The following NTM variants were observed in gnomAD, a reference collection of about 807,000 sequenced individuals.
NTM encodes IgLON family member 2.
NTM carries 13 observed loss-of-function variants against 42.1 expected under a neutral mutation model. That is an observed-to-expected ratio of 0.31 (90% CI 0.20 to 0.49). The LOEUF is 0.49. Among genes scored for constraint, NTM ranks in the 20% least tolerant of loss-of-function variants. The probability of loss-of-function intolerance (pLI) is 0.99; values close to 1 mark genes in which losing one functional copy is unlikely to be tolerated. For missense variants in NTM, 373 were observed against 452.8 expected (o/e 0.82, Z 1.60); for synonymous variants, 187 against 179.2 (o/e 1.04, Z -0.35).
chr11:131,863,554 G>A (rs1386633556), intron 1 of NTM, among the ~76,000 whole-genome samples: 1 of 152,154 alleles, frequency 6.6e-6, no homozygotes, highest in South Asian at 2.1e-4. Context: ...AAATATAGTC[G>A]AATGCAAAGG....
At chr11:131,668,409 A>T (rs2134592482) in intron 1 of NTM, among the ~76,000 whole-genome samples, 1 of 152,146 alleles carries the variant, frequency 6.6e-6, no homozygotes, top group Middle Eastern at 3.4e-3. Flanking sequence ...AAAAACCTTG[A>T]TTATATGTTA....
intron 2 of NTM, among the ~76,000 whole-genome samples, chr11:132,102,337 C>T (rs144598023): frequency 6.6e-6 from 1 of 152,320 alleles, no homozygotes; most frequent in African/African-American, 2.4e-5. Context: ...ATGCAAGGCA[C>T]AACTCCTGGC....
chr11:131,789,582 AG>A lies in NTM; in HGVS notation c.83-121981del, dbSNP rs1565552363. Among the ~76,000 whole-genome samples, 2 of 65,212 alleles carry A rather than the reference AG, an allele frequency of 3.1e-5. 1 individual carries two copies. The highest frequency in any genetic ancestry group is 1.7e-4 in the African/African-American group (2 of 11,950). 42.8% of individuals were successfully genotyped at this position (65,212 alleles called of 152,430 possible). A position where few individuals can be genotyped will look rare whatever the true frequency, so the allele number is the denominator to read the frequency against. On this transcript the variant is annotated intron_variant, in intron 1 of 8. Coordinates refer to ENST00000683400, the MANE Select transcript of NTM (RefSeq NM_001352005.2). ...AAGAAGAAGAAGAAGAAGAAGAAGA[AG>A]AAGAAGAAGAAGAAGAAGAAGAAGA... is the stretch of plus-strand genomic sequence containing the variant.
intron 1 of NTM, among the ~76,000 whole-genome samples, chr11:131,377,373 C>T (rs1226323103): frequency 6.6e-6 from 1 of 152,172 alleles, no homozygotes; most frequent in African/African-American, 2.4e-5. Flanking sequence ...GGCCTCTCCA[C>T]TTCCTTTATG....
intron 1 of NTM, among the ~76,000 whole-genome samples, chr11:131,668,133 T>A (rs1032053751): frequency 1.3e-5 from 2 of 152,166 alleles, no homozygotes; most frequent in African/African-American, 4.8e-5. Flanking sequence ...TTTGAACTCA[T>A]GCCAATGGAA....
intron 2 of NTM, among the ~76,000 whole-genome samples, chr11:132,141,545 A>G (rs898910833): frequency 6.6e-6 from 1 of 152,106 alleles, no homozygotes; most frequent in Admixed American, 6.5e-5. Flanking sequence ...TTCTTTCTCT[A>G]CCATACTCGA....
chr11:131,432,053 C>T (rs753082800), intron 1 of NTM, among the ~76,000 whole-genome samples: 48 of 152,288 alleles, frequency 3.2e-4, no homozygotes, highest in Middle Eastern at 3.4e-3. Context: ...TTTGAACCTA[C>T]CTAAAATGGA....
At chr11:132,092,445 G>C (rs2060485049) in intron 2 of NTM, among the ~76,000 whole-genome samples, 1 of 152,130 alleles carries the variant, frequency 6.6e-6, no homozygotes, top group South Asian at 2.1e-4. Flanking sequence ...ACCTCCTCAA[G>C]TCACTCAGCA....
chr11:132,032,971 C>A (rs181583014), intron 2 of NTM, among the ~76,000 whole-genome samples: 1 of 152,274 alleles, frequency 6.6e-6, no homozygotes, highest in Non-Finnish European at 1.5e-5. Context: ...CATTTTTGAG[C>A]TTGACAGAAA....
intron 1 of NTM, among the ~76,000 whole-genome samples, chr11:131,664,063 C>T (rs908075182): frequency 3.2e-4 from 48 of 152,332 alleles, no homozygotes; most frequent in African/African-American, 1.1e-3. Context: ...TCCCCTCTAG[C>T]TGTGCAGAGC....
chr11:131,620,275 C>G (rs2062392653), intron 1 of NTM, among the ~76,000 whole-genome samples: 1 of 152,202 alleles, frequency 6.6e-6, no homozygotes, highest in Admixed American at 6.5e-5. Flanking sequence ...CTCCTCATGT[C>G]TACAGCTAAA....
intron 6 of NTM, among the ~76,000 whole-genome samples, chr11:132,313,201 G>GAGTC (rs2095328934): frequency 6.6e-6 from 1 of 152,074 alleles, no homozygotes; most frequent in Non-Finnish European, 1.5e-5. Context: ...GGATGGGCAA[G>GAGTC]AGTCATCTAT....
chr11:131,548,280 C>T (rs180961751), intron 1 of NTM, among the ~76,000 whole-genome samples: 1 of 152,142 alleles, frequency 6.6e-6, no homozygotes, highest in Non-Finnish European at 1.5e-5. Context: ...ACCACTCTCC[C>T]CTTGTGCATT....
At chr11:131,644,677 T>G (rs367568192) in intron 1 of NTM, among the ~76,000 whole-genome samples, 36 of 152,348 alleles carry the variant, frequency 2.4e-4, no homozygotes, top group African/African-American at 8.2e-4. Flanking sequence ...GATAAGGGGC[T>G]TAGGTTGTAG....
chr11:131,469,382 CTG>C (rs1323705302), intron 1 of NTM, among the ~76,000 whole-genome samples: 1 of 152,194 alleles, frequency 6.6e-6, no homozygotes, highest in Non-Finnish European at 1.5e-5. Context: ...GGAAGATAAA[CTG>C]TTTTTATGAC....
At chr11:131,803,571 A>C (rs2092303837) in intron 1 of NTM, among the ~76,000 whole-genome samples, 1 of 152,182 alleles carries the variant, frequency 6.6e-6, no homozygotes, top group Non-Finnish European at 1.5e-5. Context: ...TGGCCTCCCA[A>C]AGTGCTGGGA....
At chr11:131,516,183 A>G (rs2048866174) in intron 1 of NTM, among the ~76,000 whole-genome samples, 1 of 152,238 alleles carries the variant, frequency 6.6e-6, no homozygotes, top group African/African-American at 2.4e-5. Context: ...AAGTGCTTTT[A>G]CATATATTAT....
chr11:131,675,648 C>T (rs2071248066), intron 1 of NTM, among the ~76,000 whole-genome samples: 1 of 152,196 alleles, frequency 6.6e-6, no homozygotes, highest in South Asian at 2.1e-4. Context: ...ACCAAATTCA[C>T]ACCCAGCTTG....
intron 1 of NTM, among the ~76,000 whole-genome samples, chr11:131,887,155 C>CA (rs1478067016): frequency 3.0e-4 from 45 of 152,190 alleles, no homozygotes; most frequent in African/African-American, 1.1e-3. Flanking sequence ...TCACACACAC[C>CA]AAAAAGAGGT....
Sources: allele counts gnomAD v4.1 joint callset (sites outside exome capture counted in the v4.1 genomes callset), GRCh38; gene constraint gnomAD v4.1.1; transcripts MANE v1.5; gene names NCBI Gene and HGNC (gene_info 2026-07-23, HGNC 2026-07-21).